The following GPT variants were observed in gnomAD, a reference collection of about 807,000 sequenced individuals.
The protein encoded by GPT is alanine aminotransferase 1.
A neutral mutation model predicts 51.4 loss-of-function variants in GPT; 60 were observed. The observed-to-expected ratio is 1.17, with a 90% CI of 0.95 to 1.45. GPT has a LOEUF of 1.45. Among genes scored for constraint, GPT ranks in the 40% most tolerant of loss-of-function variants. The pLI, the probability that GPT is intolerant of heterozygous loss-of-function variation, is 0.00. For missense variants in GPT, 853 were observed against 704.0 expected (o/e 1.21, Z -2.40); for synonymous variants, 397 against 303.1 (o/e 1.31, Z -3.22).
upstream of GPT, chr8:144,503,922 C>G: frequency 3.2e-6 from 1 of 311,556 alleles, no homozygotes; most frequent in Non-Finnish European, 6.3e-6. Context: ...CCCCCCATGT[C>G]TAGTCCCTCA....
Position 144,504,332 on chromosome 8 carries a change from C to G in GPT, c.28C>G (p.Gln10Glu), listed in dbSNP as rs375329874. 1 of 1,610,476 alleles carries G rather than the reference C, an allele frequency of 6.2e-7. No individual in the cohort carries two copies. The highest frequency in any genetic ancestry group is 2.2e-5 in the East Asian group (1 of 44,894). The change falls in exon 1 of 11, where the codon CAG becomes GAG. Residue 10 changes from glutamine to glutamate, a missense_variant. Physicochemically the swap from Gln to Glu is conservative, Grantham distance 29. Coordinates refer to ENST00000394955, the MANE Select transcript of GPT (RefSeq NM_005309.3). ...GGCCTCGAGCACAGGTGACCGGAGCCAGGCGGTGAGGCATGGACTGAGGGC... is the reference window on the plus strand; with the variant it reads ...GGCCTCGAGCACAGGTGACCGGAGCGAGGCGGTGAGGCATGGACTGAGGGC... MASSTGDRS[Q>E]AVRHGLRAKV...
Position 144,506,039 on chromosome 8 carries a change from A to G in GPT, c.864A>G (p.Ser288=), listed in dbSNP as rs767534994. 17 of 1,612,286 alleles carry G rather than the reference A, an allele frequency of 1.1e-5. No individual in the cohort carries two copies. The Admixed American group carries it at 2.8e-4, about 27-fold the overall frequency. The change falls in exon 7 of 11, where the codon TCA becomes TCG. Residue 288 remains serine, a synonymous_variant. Coordinates refer to ENST00000394955, the MANE Select transcript of GPT (RefSeq NM_005309.3). The surrounding 1 kb of genome is among the most constrained non-coding windows in gnomAD (Gnocchi z 7.0). ...ACGCCGCGGGTTCGCAGTTCCACTC[A>G]TTCAAGAAGGTGCTCATGGAGATGG... ...NVYAAGSQFH[S]FKKVLMEMGP...
chr8:144,505,360 G>A lies in GPT; in HGVS notation c.610G>A (p.Val204Met), dbSNP rs754527405. 2.5e-6 allele frequency: 4 copies of A among 1,581,962 alleles called. 1 individual carries two copies. Among genetic ancestry groups the A allele is most frequent in the South Asian group, 2.3e-5 (2 of 86,776 alleles). Residue 204 changes from valine (V) to methionine (M), a missense_variant, in exon 5 of 11, where the codon GTG becomes ATG. Coordinates refer to ENST00000394955, the MANE Select transcript of GPT (RefSeq NM_005309.3). The part of the protein sequence containing the change: ...ATLAELGAVQ[V>M]DYYLDEERAW... ...GCTGGCAGAGCTGGGCGCAGTGCAG[G>A]TGGATTACTACCTGGACGAGGAGCG... is the stretch of plus-strand genomic sequence containing the variant.
chr8:144,506,302 C>G lies in GPT; in HGVS notation c.1027C>G (p.Leu343Val), dbSNP rs749836766. 14 of 1,590,588 alleles carry G rather than the reference C, an allele frequency of 8.8e-6. No individual in the cohort carries two copies. The Admixed American group carries it at 2.3e-4, about 26-fold the overall frequency. ...DAAVQQQMLK[L>V]MSVRLCPPVP... is the part of the protein sequence containing the mutation. ...TGCAGTGCAGCAGCAGATGCTGAAG[C>G]TGATGAGTGTGCGGCTGTGCCCGCC... Residue 343 changes from leucine (L) to valine (V), a missense_variant, in exon 8 of 11, where the codon CTG becomes GTG. Leu to Val is a conservative substitution (Grantham distance 32). Transcript: ENST00000394955. This position sits in a 1 kb window ranked among gnomAD's most constrained non-coding sequence, Gnocchi z 7.0.
Position 144,504,482 on chromosome 8 carries a change from C to T in GPT, c.162+16C>T. On this transcript the variant is annotated intron_variant, in intron 1 of 10. Transcript: ENST00000394955. ...GCTGCGCCAGGTATGGCCCAGGGCC[C>T]CTCGCTGCCCTCCAGGTCACAATGG... 1 of 1,607,020 alleles carries T rather than the reference C, an allele frequency of 6.2e-7. No homozygotes were observed. The highest frequency in any genetic ancestry group is 8.5e-7 in the Non-Finnish European group (1 of 1,178,558).
rs775350170 is a variant in GPT, at chr8:144,506,029, A to C, written c.854A>C (p.Gln285Pro). Reference protein sequence around the residue: ...YQDNVYAAGSQFHSFKKVLME... With the variant: ...YQDNVYAAGSPFHSFKKVLME... ...GACAACGTGTACGCCGCGGGTTCGC[A>C]GTTCCACTCATTCAAGAAGGTGCTC... is the stretch of plus-strand genomic sequence containing the variant. The change falls in exon 7 of 11, where the codon CAG (glutamine) becomes CCG (proline). Residue 285 changes from glutamine to proline, a missense_variant. By Grantham distance (76) the Gln-to-Pro change is moderately conservative. Transcript: ENST00000394955. The surrounding 1 kb of genome is among the most constrained non-coding windows in gnomAD (Gnocchi z 7.0). The C allele has an allele frequency of 6.2e-6, 10 of 1,612,408 alleles. No homozygotes were observed. The South Asian group carries it at 9.9e-5, about 16-fold the overall frequency.
At chr8:144,503,303 G>A (rs955304909), upstream of GPT, among the ~76,000 whole-genome samples, 11 of 152,172 alleles carry the variant, frequency 7.2e-5, no homozygotes, top group Admixed American at 2.6e-4. Flanking sequence ...GTGGGCCAGC[G>A]TGGAGCCTGG....
rs1235529042 is a variant in GPT, at chr8:144,505,755, A to G, written c.740-93A>G. On this transcript the variant is annotated intron_variant, in intron 5 of 10. Coordinates refer to ENST00000394955, the MANE Select transcript of GPT (RefSeq NM_005309.3). ...CCCGCACCCACGTGCGCCCTGGCCCAGGCAGTGCCGGGTCCGCTGGACCCC... is the reference window on the plus strand; with the variant it reads ...CCCGCACCCACGTGCGCCCTGGCCCGGGCAGTGCCGGGTCCGCTGGACCCC... The G allele has an allele frequency of 6.6e-6, 6 of 903,262 alleles. No individual in the cohort carries two copies. The Admixed American group carries it at 1.2e-4, about 18-fold the overall frequency. The allele number at this position is 903,262 out of a possible 1,614,324, so 56.0% of individuals were successfully genotyped here.
In GPT at chr8:144,506,287, C is replaced by T; in HGVS notation, c.1012C>T (p.Gln338Ter). 6.2e-7 allele frequency: 1 copy of T among 1,601,656 alleles called. No individual in the cohort carries two copies. Among genetic ancestry groups the T allele is most frequent in the South Asian group, 1.1e-5 (1 of 90,348 alleles). Residue 338 changes from glutamine to a stop codon, truncating the protein, a stop_gained, in exon 8 of 11, where the codon CAG (glutamine) becomes TAG (stop). Coordinates refer to ENST00000394955, the MANE Select transcript of GPT (RefSeq NM_005309.3). LOFTEE classifies it high-confidence loss of function. The surrounding 1 kb of genome is among the most constrained non-coding windows in gnomAD (Gnocchi z 7.0). Reference sequence around the variant, plus strand: ...GGTGAACATGGACGCTGCAGTGCAGCAGCAGATGCTGAAGCTGATGAGTGT... The same window carrying T: ...GGTGAACATGGACGCTGCAGTGCAGTAGCAGATGCTGAAGCTGATGAGTGT... ...EVVNMDAAVQ[Q>*]QMLKLMSVRL...
intron 5 of GPT, 28 bp from the exon 6 acceptor site, chr8:144,505,820 C>T (rs201383085): frequency 3.5e-5 from 54 of 1,539,892 alleles, no homozygotes; most frequent in Non-Finnish European, 4.4e-5. Context: ...TTGGCTCACC[C>T]AGCACTGCTG....
Position 144,505,147 on chromosome 8 carries a change from G to T in GPT, c.495+16G>T, listed in dbSNP as rs1487485836. On this transcript the variant is annotated intron_variant, in intron 4 of 10. Transcript: ENST00000394955. ...TGCCATCGTGGTAGGCTGGGCATGG[G>T]CACCAAGACATTCCTGACACTGCAG... 6.2e-7 allele frequency: 1 copy of T among 1,612,802 alleles called. No homozygotes were observed. Among genetic ancestry groups the T allele is most frequent in the Non-Finnish European group, 8.5e-7 (1 of 1,180,012 alleles).
chr8:144,504,429 T>C lies in GPT; in HGVS notation c.125T>C (p.Val42Ala). 1 of 1,611,096 alleles carries C rather than the reference T, an allele frequency of 6.2e-7. No homozygotes were observed. Among genetic ancestry groups the C allele is most frequent in the Non-Finnish European group, 8.5e-7 (1 of 1,179,920 alleles). ...GAGTACGCAGTGCGTGGCCCCATAG[T>C]GCAGCGAGCCTTGGAGCTGGAGCAG... is the stretch of plus-strand genomic sequence containing the variant. ...RVEYAVRGPI[V>A]QRALELEQEL... The change falls in exon 1 of 11, where the codon GTG becomes GCG. Residue 42 changes from valine to alanine, a missense_variant. By Grantham distance (64) the Val-to-Ala change is moderately conservative. Coordinates refer to ENST00000394955, the MANE Select transcript of GPT (RefSeq NM_005309.3).
In GPT at chr8:144,504,358, G is replaced by A. The variant is rs199842045; in HGVS notation, c.54G>A (p.Ala18=). ...AGGCGGTGAGGCATGGACTGAGGGC[G>A]AAGGTGCTGACGCTGGACGGCATGA... is the stretch of plus-strand genomic sequence containing the variant. ...RSQAVRHGLR[A]KVLTLDGMNP... is the part of the protein sequence containing the mutation. Residue 18 remains alanine (A), a synonymous_variant, in exon 1 of 11, where the codon GCG becomes GCA. Coordinates refer to ENST00000394955, the MANE Select transcript of GPT (RefSeq NM_005309.3). 104 of 1,611,290 alleles carry A rather than the reference G, an allele frequency of 6.5e-5. 1 individual carries two copies. In the East Asian group the frequency reaches 1.9e-3, roughly 30 times the overall value.
At position 144,506,142 on chromosome 8, in the gene GPT, A is replaced by AC. The variant is rs1564778397; in HGVS notation, c.956+12dup. The AC allele has an allele frequency of 6.2e-7, 1 of 1,610,138 alleles. No individual in the cohort carries two copies. Among genetic ancestry groups the AC allele is most frequent in the Admixed American group, 1.7e-5 (1 of 59,898 alleles). ...GGGCTACATGGGCGAGTGCGTGCGT[A>AC]CGAGGCGGGTGGGGGCTCGCGGGCC... On this transcript the variant is annotated intron_variant, in intron 7 of 10. Transcript: ENST00000394955. The surrounding 1 kb of genome is among the most constrained non-coding windows in gnomAD (Gnocchi z 7.0).
rs1473457144 is a variant in GPT, at chr8:144,506,973, T to G, written c.1464T>G (p.His488Gln). 6.2e-7 allele frequency: 1 copy of G among 1,612,650 alleles called. No homozygotes were observed. Among genetic ancestry groups the G allele is most frequent in the Non-Finnish European group, 8.5e-7 (1 of 1,179,926 alleles). ...TGCTGGAGAAGCTGAGCAGGTTCCA[T>G]GCCAAGTTCACCCTCGAGTACTCCT... is the stretch of plus-strand genomic sequence containing the variant. The part of the protein sequence containing the change: ...RLLLEKLSRF[H>Q]AKFTLEYS Residue 488 changes from histidine to glutamine, a missense_variant, in exon 11 of 11, where the codon CAT (histidine) becomes CAG (glutamine). Coordinates refer to ENST00000394955, the MANE Select transcript of GPT (RefSeq NM_005309.3). This position sits in a 1 kb window ranked among gnomAD's most constrained non-coding sequence, Gnocchi z 7.0.
At chr8:144,505,157 AT>A in intron 4 of GPT, 26 bp downstream of exon 4, 52 of 1,612,822 alleles carry the variant, frequency 3.2e-5, no homozygotes, top group Non-Finnish European at 4.4e-5. Flanking sequence ...GCACCAAGAC[AT>A]TCCTGACACT....
At chr8:144,505,751 G>A (rs1410020866) in intron 5 of GPT, 97 bp from the exon 6 acceptor site, 67 of 1,209,626 alleles carry the variant, frequency 5.5e-5, no homozygotes, top group Non-Finnish European at 7.0e-5. Context: ...GTGCGCCCTG[G>A]CCCAGGCAGT....
rs774129797 is a variant in GPT, at chr8:144,506,584, C to T, written c.1215C>T (p.Cys405=). The part of the protein sequence containing the change: ...QVFNEAPGIS[C]NPVQGAMYSF... The stretch of plus-strand genomic sequence containing the variant: ...TCAATGAGGCTCCTGGCATCAGCTG[C>T]AACCCAGTGCAGGGCGCCATGTACT... The change falls in exon 9 of 11, where the codon TGC becomes TGT. Residue 405 remains cysteine, a synonymous_variant. Transcript: ENST00000394955. The surrounding 1 kb of genome is among the most constrained non-coding windows in gnomAD (Gnocchi z 7.0). 1.9e-6 allele frequency: 3 copies of T among 1,573,452 alleles called. No homozygotes were observed. In the Admixed American group the frequency reaches 5.6e-5, roughly 29 times the overall value.
Position 144,505,269 on chromosome 8 carries a change from C to T in GPT, c.519C>T (p.Ala173=), listed in dbSNP as rs1397527346. 4.4e-6 allele frequency: 7 copies of T among 1,594,374 alleles called. No homozygotes were observed. The highest frequency in any genetic ancestry group is 1.1e-5 in the South Asian group (1 of 89,006). Residue 173 remains alanine (A), a synonymous_variant, in exon 5 of 11, where the codon GCC becomes GCT. Coordinates refer to ENST00000394955, the MANE Select transcript of GPT (RefSeq NM_005309.3). ...AGACGGTGCTGAAGCTGCTGGTGGCCGGCGAGGGCCACACACGCACGGGTG... is the reference window on the plus strand; with the variant it reads ...AGACGGTGCTGAAGCTGCTGGTGGCTGGCGAGGGCCACACACGCACGGGTG... ...AIVTVLKLLV[A]GEGHTRTGVL...
Sources: allele counts gnomAD v4.1 joint callset (sites outside exome capture counted in the v4.1 genomes callset), GRCh38; gene constraint gnomAD v4.1.1; non-coding constraint Gnocchi (gnomAD v3.1); transcripts MANE v1.5; gene names NCBI Gene and HGNC (gene_info 2026-07-23, HGNC 2026-07-21).